EDARADD: variants seen among roughly 807,000 people sequenced by gnomAD.
EDARADD encodes EDAR associated via death domain, also known as ectodysplasin-A receptor-associated adapter protein.
A neutral mutation model predicts 25.6 loss-of-function variants in EDARADD; 20 were observed. The ratio of observed to expected loss-of-function variants is 0.78; its 90% CI spans 0.55 to 1.14. The LOEUF (loss-of-function observed/expected upper bound fraction) is 1.14, where lower values mean the gene tolerates loss of function less well. EDARADD is among the 50% of genes most tolerant of loss of function. The pLI is 0.00. For synonymous variants in EDARADD, 86 were observed against 94.4 expected, an observed-to-expected ratio of 0.91 and a Z score of 0.52; for missense variants, 225 against 270.1, an observed-to-expected ratio of 0.83 and a Z score of 1.17.
At chr1:236,428,655 A>G (rs76420343) in intron 4 of EDARADD, among the ~76,000 whole-genome samples, 49,691 of 121,766 alleles carry the variant, frequency 0.41, 12,486 homozygotes, top group Non-Finnish European at 0.55. Context: ...CCTAGACGGG[A>G]TGGCGGCCGG....
At position 236,427,390 on chromosome 1, in the gene EDARADD, A is replaced by G. The variant is rs1553267282; in HGVS notation, c.161-2A>G. 8 of 1,605,058 alleles carry G rather than the reference A, an allele frequency of 5.0e-6. No individual in the cohort carries two copies. Among genetic ancestry groups the G allele is most frequent in the Non-Finnish European group, 6.8e-6 (8 of 1,176,588 alleles). On this transcript the variant is annotated splice_acceptor_variant, in intron 3 of 5. Coordinates refer to ENST00000334232, the MANE Select transcript of EDARADD (RefSeq NM_145861.4). LOFTEE classifies it high-confidence loss of function. ...TTCTTTCTTTCTTTTTTTTTTTCCT[A>G]GCTGAAGAATGTGATACAATTACTT...
intron 5 of EDARADD, among the ~76,000 whole-genome samples, chr1:236,470,613 T>G (rs1294605106): frequency 6.6e-6 from 1 of 152,142 alleles, no homozygotes; most frequent in Non-Finnish European, 1.5e-5. Flanking sequence ...GTTATTTTTT[T>G]TGTTTTTTTG....
chr1:236,399,675 TTTGTTCATGA>T (rs1317118555), intron 1 of EDARADD, among the ~76,000 whole-genome samples: 12 of 152,172 alleles, frequency 7.9e-5, no homozygotes, highest in African/African-American at 2.9e-4. Context: ...GTAAAATCTG[TTTGTTCATGA>T]TTGTTCATAC....
rs1215737490 is a variant in EDARADD at position 236,395,252 on chromosome 1, C to T, written c.61+747C>T. On this transcript the variant is annotated intron_variant, in intron 1 of 5. Transcript: ENST00000334232. This position sits in a 1 kb window ranked among gnomAD's most constrained non-coding sequence, Gnocchi z 6.9. ...TGTCAGCCCCCCGCTAGGACCCGCC[C>T]AGGGGGACGTGGGTACCGGGCAGGA... Among the ~76,000 whole-genome samples, 1 of 152,176 alleles carries T rather than the reference C, an allele frequency of 6.6e-6. No homozygotes were observed. The highest frequency in any genetic ancestry group is 6.5e-5 in the Admixed American group (1 of 15,282).
chr1:236,403,548 A>C (rs937868193), intron 1 of EDARADD, among the ~76,000 whole-genome samples: 2 of 152,114 alleles, frequency 1.3e-5, no homozygotes, highest in African/African-American at 4.8e-5. Flanking sequence ...CGGCCTCCCA[A>C]AGTGCTGGGA....
intron 1 of EDARADD, among the ~76,000 whole-genome samples, chr1:236,401,910 A>T (rs1667618272): frequency 6.6e-6 from 1 of 152,198 alleles, no homozygotes; most frequent in Non-Finnish European, 1.5e-5. Context: ...GAAATGGGAC[A>T]CACAGACACT....
At chr1:236,405,874 C>CTTCCTTCCTT (rs56931070) in intron 1 of EDARADD, among the ~76,000 whole-genome samples, 8 of 30,924 alleles carry the variant, frequency 2.6e-4, no homozygotes, top group African/African-American at 9.2e-4. Context: ...TCCTTCCTTC[C>CTTCCTTCCTT]TTCTTTCTTT....
intron 3 of EDARADD, among the ~76,000 whole-genome samples, chr1:236,372,471 T>A (rs1667183900): frequency 6.6e-6 from 1 of 152,208 alleles, no homozygotes; most frequent in Non-Finnish European, 1.5e-5. Flanking sequence ...TTCAATTTGC[T>A]AATATTTTGT....
chr1:236,351,623 T>A (rs1359699644), intron 3 of EDARADD, among the ~76,000 whole-genome samples: 2 of 149,938 alleles, frequency 1.3e-5, no homozygotes, highest in African/African-American at 4.9e-5. Context: ...GGCAGGAGAA[T>A]CGCTTGAACC....
intron 4 of EDARADD, among the ~76,000 whole-genome samples, chr1:236,439,551 G>T (rs1658347711): frequency 6.6e-6 from 1 of 152,158 alleles, no homozygotes; most frequent in South Asian, 2.1e-4. Flanking sequence ...ATTGTAATAG[G>T]TATGTAGTGG....
intron 3 of EDARADD, among the ~76,000 whole-genome samples, chr1:236,363,032 T>TATATATATATAA (rs1377522241): frequency 9.1e-6 from 1 of 109,988 alleles, no homozygotes; most frequent in Non-Finnish European, 1.8e-5. Context: ...TATATATATA[T>TATATATATATAA]AAAATTTGTG....
chr1:236,471,530 C>G (rs1017445993), intron 5 of EDARADD, among the ~76,000 whole-genome samples: 1 of 151,790 alleles, frequency 6.6e-6, no homozygotes, highest in Non-Finnish European at 1.5e-5. Flanking sequence ...AAGGATGTGA[C>G]TCTCCTTCAA....
At chr1:236,443,129 G>T (rs1337578500) in intron 4 of EDARADD, among the ~76,000 whole-genome samples, 1 of 152,174 alleles carries the variant, frequency 6.6e-6, no homozygotes, top group Non-Finnish European at 1.5e-5. Context: ...GTCCCCACCG[G>T]CAAGAAGGCC....
chr1:236,471,426 T>A (rs77061245), intron 5 of EDARADD, among the ~76,000 whole-genome samples: 1,750 of 151,942 alleles, frequency 0.012, 15 homozygotes, highest in Middle Eastern at 0.031. Flanking sequence ...CAGAAACTTA[T>A]ATTTTAAATA....
intron 3 of EDARADD, among the ~76,000 whole-genome samples, chr1:236,425,318 G>A (rs1423083743): frequency 1.3e-5 from 2 of 152,100 alleles, no homozygotes; most frequent in Admixed American, 6.5e-5. Flanking sequence ...TGTGTACCTC[G>A]ATGCCCCTGG....
chr1:236,449,318 C>A (rs1220918206), intron 4 of EDARADD, among the ~76,000 whole-genome samples: 1 of 152,204 alleles, frequency 6.6e-6, no homozygotes, highest in African/African-American at 2.4e-5. Flanking sequence ...AGAACCCCAA[C>A]ATAGGGATTT....
chr1:236,406,401 A>G (rs145226246), intron 1 of EDARADD, among the ~76,000 whole-genome samples: 2 of 152,180 alleles, frequency 1.3e-5, no homozygotes, highest in African/African-American at 4.8e-5. Context: ...GCATCACTAC[A>G]TGGTTTCGTA....
At chr1:236,417,295 A>C (rs1322706843) in intron 3 of EDARADD, among the ~76,000 whole-genome samples, 1 of 152,218 alleles carries the variant, frequency 6.6e-6, no homozygotes, top group African/African-American at 2.4e-5. Context: ...ATTTACTAGA[A>C]GCATCATTTG....
chr1:236,402,427 G>T (rs1024983538), intron 1 of EDARADD, among the ~76,000 whole-genome samples: 1 of 152,134 alleles, frequency 6.6e-6, no homozygotes, highest in Non-Finnish European at 1.5e-5. Flanking sequence ...AGATGTGACA[G>T]CACATGTCTT....
Sources: gnomAD v4.1 joint callset for allele counts (sites outside exome capture counted in the v4.1 genomes callset) on GRCh38, gnomAD v4.1.1 for gene constraint, Gnocchi (gnomAD v3.1) non-coding constraint, MANE v1.5 for transcripts, NCBI Gene and HGNC (gene_info 2026-07-23, HGNC 2026-07-21) for gene names.